The following TEC variants were observed in gnomAD, a reference collection of about 807,000 sequenced individuals.
TEC encodes the protein tec protein tyrosine kinase.
In TEC, 72 loss-of-function variants were observed where a neutral mutation model predicts 93.0. The ratio of observed to expected loss-of-function variants is 0.77; its 90% CI spans 0.64 to 0.94. The LOEUF is 0.94. TEC is among the 40% of genes least tolerant of loss of function. The pLI, the probability that TEC is intolerant of heterozygous loss-of-function variation, is 0.00. For missense variants in TEC, 630 were observed against 757.9 expected, an observed-to-expected ratio of 0.83 and a Z score of 1.98; for synonymous variants, 249 against 247.7, an observed-to-expected ratio of 1.01 and a Z score of -0.05.
At chr4:48,253,572 C>CTTTTTT (rs34702593) in intron 1 of TEC, among the ~76,000 whole-genome samples, 1 of 131,918 alleles carries the variant, frequency 7.6e-6, no homozygotes, top group Non-Finnish European at 1.6e-5. Flanking sequence ...ATGTCCAATT[C>CTTTTTT]TTTTTTTTTT....
chr4:48,231,953 G>A (rs984180915), intron 1 of TEC, among the ~76,000 whole-genome samples: 10 of 152,044 alleles, frequency 6.6e-5, no homozygotes, highest in Non-Finnish European at 1.5e-4. Flanking sequence ...TCAACATCAG[G>A]GGCAGAAAAA....
At chr4:48,179,357 TATATATATATATA>T (rs1721474022) in intron 2 of TEC, among the ~76,000 whole-genome samples, 2 of 38,824 alleles carry the variant, frequency 5.2e-5, no homozygotes, top group Non-Finnish European at 1.1e-4. Flanking sequence ...TATATATATA[TATATATATATATA>T]TATATATTTT....
intron 15 of TEC, among the ~76,000 whole-genome samples, chr4:48,140,482 C>G (rs1719613079): frequency 6.6e-6 from 1 of 152,168 alleles, no homozygotes; most frequent in African/African-American, 2.4e-5. Flanking sequence ...TCATTCAGCA[C>G]CACCCCAAAT....
Position 48,235,201 on chromosome 4 carries a change from A to G in TEC, c.-45-6542T>C, listed in dbSNP as rs527592308. 5.3e-5 allele frequency among the ~76,000 whole-genome samples: 8 copies of G among 152,020 alleles called. No homozygotes were observed. The South Asian group carries it at 6.2e-4, about 12-fold the overall frequency. On this transcript the variant is annotated intron_variant, in intron 1 of 17. Transcript: ENST00000381501. Reference sequence around the variant, plus strand: ...CTGTAATCTTCTGTTTTCAGGGGGGAAAATGGTCTATTTGGGGATCTACCT... The same window carrying G: ...CTGTAATCTTCTGTTTTCAGGGGGGGAAATGGTCTATTTGGGGATCTACCT...
intron 2 of TEC, among the ~76,000 whole-genome samples, chr4:48,218,079 A>G (rs917626822): frequency 6.6e-6 from 1 of 152,210 alleles, no homozygotes; most frequent in African/African-American, 2.4e-5. Context: ...ATTAATGACA[A>G]GAAAGGTCAG....
rs531180407 is a variant in TEC at position 48,190,515 on chromosome 4, A to G, written c.139-14329T>C. Among the ~76,000 whole-genome samples, 31 of 152,336 alleles carry G rather than the reference A, an allele frequency of 2.0e-4. 1 individual carries two copies. In the South Asian group the frequency reaches 6.0e-3, roughly 29 times the overall value. On this transcript the variant is annotated intron_variant, in intron 2 of 17. Coordinates refer to ENST00000381501, the MANE Select transcript of TEC (RefSeq NM_003215.3). The stretch of plus-strand genomic sequence containing the variant: ...GAAATATGGGATAGATTTCCTACCT[A>G]CAAAGCATTTATAATCGAGGTAGGA...
chr4:48,147,591 T>C (rs1281853369), intron 11 of TEC, among the ~76,000 whole-genome samples: 1 of 152,214 alleles, frequency 6.6e-6, no homozygotes, highest in Non-Finnish European at 1.5e-5. Flanking sequence ...TTGGCTTCCA[T>C]AAGTAGATGA....
intron 5 of TEC, 62 bp from the exon 6 acceptor site, chr4:48,168,688 GAT>G: frequency 6.4e-7 from 1 of 1,555,868 alleles, no homozygotes; most frequent in Non-Finnish European, 8.8e-7. Context: ...ATAAAAATAA[GAT>G]ATGGGTAGTT....
chr4:48,245,605 T>G (rs1335234218), intron 1 of TEC, among the ~76,000 whole-genome samples: 1 of 152,238 alleles, frequency 6.6e-6, no homozygotes, highest in Admixed American at 6.5e-5. Flanking sequence ...GCATTACTAT[T>G]ACTATTAATC....
At position 48,261,061 on chromosome 4, in the gene TEC, A is replaced by T. The variant is rs1724486157; in HGVS notation, c.-46+8691T>A. 4.6e-5 allele frequency among the ~76,000 whole-genome samples: 7 copies of T among 152,190 alleles called. No individual in the cohort carries two copies. In the South Asian group the frequency reaches 1.4e-3, roughly 32 times the overall value. On this transcript the variant is annotated intron_variant, in intron 1 of 17. Transcript: ENST00000381501. Reference sequence around the variant, plus strand: ...CTGAGAACCTCGGTGGCACCCAAAGATCAAACTTTTGCCTGGGGGAAGCAA... The same window carrying T: ...CTGAGAACCTCGGTGGCACCCAAAGTTCAAACTTTTGCCTGGGGGAAGCAA...
intron 2 of TEC, among the ~76,000 whole-genome samples, chr4:48,189,729 T>C (rs995756498): frequency 3.9e-5 from 6 of 152,204 alleles, no homozygotes; most frequent in African/African-American, 9.7e-5. Flanking sequence ...TACTAAATCA[T>C]AGTATCTGAT....
At chr4:48,254,332 C>T (rs1331726863) in intron 1 of TEC, among the ~76,000 whole-genome samples, 1 of 152,098 alleles carries the variant, frequency 6.6e-6, no homozygotes, top group African/African-American at 2.4e-5. Flanking sequence ...TGCAGGAAGG[C>T]AGAAAAGTGA....
At chr4:48,196,754 T>C (rs1722313701) in intron 2 of TEC, among the ~76,000 whole-genome samples, 1 of 152,212 alleles carries the variant, frequency 6.6e-6, no homozygotes, top group South Asian at 2.1e-4. Context: ...GAGGCCGTAA[T>C]AGAAACGACC....
chr4:48,161,027 T>G (rs1428245495), intron 8 of TEC, among the ~76,000 whole-genome samples: 1 of 152,136 alleles, frequency 6.6e-6, no homozygotes, highest in Non-Finnish European at 1.5e-5. Context: ...TCTTAGATAT[T>G]AAATCCCTAA....
chr4:48,254,884 C>T (rs912710069), intron 1 of TEC, among the ~76,000 whole-genome samples: 1 of 151,678 alleles, frequency 6.6e-6, no homozygotes. Flanking sequence ...GCTTACTGAC[C>T]TAAAAGGGAC....
intron 2 of TEC, among the ~76,000 whole-genome samples, chr4:48,180,770 T>C (rs984068779): frequency 6.6e-6 from 1 of 152,080 alleles, no homozygotes; most frequent in Non-Finnish European, 1.5e-5. Flanking sequence ...CCTTACAAGT[T>C]TGGATTTATT....
chr4:48,213,689 G>A lies in TEC; in HGVS notation c.138+14788C>T, dbSNP rs144546463. 2.9e-3 allele frequency among the ~76,000 whole-genome samples: 441 copies of A among 152,300 alleles called. 4 individuals carry two copies. The highest frequency in any genetic ancestry group is 0.01 in the African/African-American group (426 of 41,568). On this transcript the variant is annotated intron_variant, in intron 2 of 17. Coordinates refer to ENST00000381501, the MANE Select transcript of TEC (RefSeq NM_003215.3). ...GTATCACTTTCTTAAATTGTCATGT[G>A]ATTTCTTTTGACAGTTGATAACTTT...
intron 12 of TEC, among the ~76,000 whole-genome samples, chr4:48,145,871 C>T (rs1719886428): frequency 6.6e-6 from 1 of 152,138 alleles, no homozygotes; most frequent in Non-Finnish European, 1.5e-5. Context: ...CAAATACTTC[C>T]TTCTTTACCA....
chr4:48,144,804 A>T (rs1719834876), intron 14 of TEC, among the ~76,000 whole-genome samples: 2 of 152,206 alleles, frequency 1.3e-5, no homozygotes, highest in South Asian at 4.1e-4. Flanking sequence ...ATGGTAAGAG[A>T]ATCCACTGTG....
Sources: allele counts gnomAD v4.1 joint callset (sites outside exome capture counted in the v4.1 genomes callset), GRCh38; gene constraint gnomAD v4.1.1; transcripts MANE v1.5; gene names NCBI Gene and HGNC (gene_info 2026-07-23, HGNC 2026-07-21).